NEBL: variants seen among roughly 807,000 people sequenced by gnomAD.
NEBL encodes the protein LIM and SH3 protein 2.
Under a neutral mutation model 140.2 loss-of-function variants are expected in NEBL, and 122 were observed. The ratio of observed to expected loss-of-function variants is 0.87; its 90% CI spans 0.75 to 1.01. The LOEUF (loss-of-function observed/expected upper bound fraction) is 1.01. NEBL is among the 50% of genes least tolerant of loss of function. NEBL has a pLI of 0.00. For synonymous variants in NEBL, 436 were observed against 398.9 expected, an observed-to-expected ratio of 1.09 and a Z score of -1.11; for missense variants, 1,365 against 1,231.3, an observed-to-expected ratio of 1.11 and a Z score of -1.62.
In NEBL at chr10:21,207,343, T is replaced by C. The variant is rs1841843641; in HGVS notation, n.349-34866A>G. Among the ~76,000 whole-genome samples, 3 of 152,198 alleles carry C rather than the reference T, an allele frequency of 2.0e-5. No individual in the cohort carries two copies. In the South Asian group the frequency reaches 6.2e-4, roughly 31 times the overall value. ...GATGGGGATGTGAATGGTCTATATC[T>C]AGTACTATGTGACTTTCAGTCATAA... On this transcript the variant is annotated intron_variant and non_coding_transcript_variant, in intron 3 of 8. Transcript: ENST00000675702.
chr10:20,907,686 C>T (rs2131452240), intron 4 of NEBL, among the ~76,000 whole-genome samples: 1 of 152,216 alleles, frequency 6.6e-6, no homozygotes, highest in South Asian at 2.1e-4. Flanking sequence ...ACCTAAGTTT[C>T]ACTGAAACGA....
chr10:20,799,802 A>G (rs150591638), intron 26 of NEBL, among the ~76,000 whole-genome samples: 36 of 152,182 alleles, frequency 2.4e-4, no homozygotes, highest in African/African-American at 8.7e-4. Context: ...TCAGGAGTGT[A>G]TTTTCTTCTT....
intron 2 of NEBL, among the ~76,000 whole-genome samples, chr10:21,039,609 T>C (rs1834175916): frequency 6.6e-6 from 1 of 152,184 alleles, no homozygotes. Context: ...AAAGATTCAG[T>C]AACCACTGAA....
At chr10:21,087,191 C>G (rs1354783982) in intron 2 of NEBL, among the ~76,000 whole-genome samples, 1 of 152,132 alleles carries the variant, frequency 6.6e-6, no homozygotes, top group Non-Finnish European at 1.5e-5. Context: ...CTCCCCAGAC[C>G]CCCCACCAAT....
chr10:20,983,190 T>C (rs1470482725), intron 3 of NEBL, among the ~76,000 whole-genome samples: 1 of 152,182 alleles, frequency 6.6e-6, no homozygotes. Flanking sequence ...AAAATCAAAT[T>C]AGATAATCTC....
intron 7 of NEBL, among the ~76,000 whole-genome samples, chr10:20,863,175 G>A (rs1266538027): frequency 6.6e-6 from 1 of 152,128 alleles, no homozygotes; most frequent in Non-Finnish European, 1.5e-5. Context: ...GAAATGAGAA[G>A]TTACATCTGC....
intron 4 of NEBL, among the ~76,000 whole-genome samples, chr10:20,955,223 G>A (rs967171511): frequency 5.3e-5 from 8 of 152,206 alleles, no homozygotes; most frequent in Non-Finnish European, 8.8e-5. Flanking sequence ...AATGGAAAGA[G>A]ACATGGATGA....
chr10:21,189,800 G>A (rs1275515641), intron 3 of NEBL, among the ~76,000 whole-genome samples: 2 of 152,074 alleles, frequency 1.3e-5, no homozygotes, highest in African/African-American at 4.8e-5. Flanking sequence ...CCACATTTAC[G>A]GTAATCTGTT....
chr10:20,837,095 G>C (rs1055494502), intron 13 of NEBL, among the ~76,000 whole-genome samples: 10 of 152,106 alleles, frequency 6.6e-5, no homozygotes, highest in African/African-American at 2.2e-4. Flanking sequence ...AGATGGTCAA[G>C]TAAACAGAAG....
intron 3 of NEBL, among the ~76,000 whole-genome samples, chr10:21,008,425 A>T (rs1253106342): frequency 1.3e-5 from 2 of 152,186 alleles, no homozygotes; most frequent in African/African-American, 2.4e-5. Context: ...TTTTATTTTT[A>T]AATTTTTTTC....
intron 3 of NEBL, among the ~76,000 whole-genome samples, chr10:20,964,503 A>G (rs1836198222): frequency 1.3e-5 from 2 of 152,146 alleles, no homozygotes; most frequent in South Asian, 4.1e-4. Context: ...GAGCAAGGGC[A>G]GGGGAATGTG....
intron 2 of NEBL, among the ~76,000 whole-genome samples, chr10:21,034,757 C>G (rs1348124126): frequency 2.0e-5 from 3 of 151,914 alleles, no homozygotes; most frequent in Non-Finnish European, 4.4e-5. Context: ...TTTTCAGGAT[C>G]GATGCACTGA....
intron 2 of NEBL, among the ~76,000 whole-genome samples, chr10:21,096,637 C>T (rs1837200568): frequency 6.6e-6 from 1 of 151,948 alleles, no homozygotes; most frequent in African/African-American, 2.4e-5. Flanking sequence ...CCTCAGTTTT[C>T]CCAGTAGCTG....
At chr10:21,010,702 C>T (rs1409713696) in intron 3 of NEBL, among the ~76,000 whole-genome samples, 1 of 152,078 alleles carries the variant, frequency 6.6e-6, no homozygotes, top group Non-Finnish European at 1.5e-5. Context: ...ACATAGAAAA[C>T]TTGAAAAATA....
intron 3 of NEBL, among the ~76,000 whole-genome samples, chr10:20,979,381 G>A (rs1836938541): frequency 6.6e-6 from 1 of 152,076 alleles, no homozygotes; most frequent in Admixed American, 6.6e-5. Context: ...TGGTAGGAAT[G>A]GTCCTTTGAG....
intron 1 of NEBL, among the ~76,000 whole-genome samples, chr10:21,262,445 G>A (rs1588575838): frequency 2.6e-5 from 4 of 152,288 alleles, no homozygotes; most frequent in African/African-American, 2.4e-5. Flanking sequence ...TCCCTATGGG[G>A]GTCTCTGAAG....
intron 15 of NEBL, 81 bp downstream of exon 15, chr10:20,831,392 C>T (rs1373152734): frequency 1.3e-6 from 2 of 1,494,926 alleles, no homozygotes; most frequent in Non-Finnish European, 1.9e-6. Flanking sequence ...CAAAGCCACC[C>T]ATGTGGAAAG....
chr10:21,062,116 T>C (rs568950524), intron 2 of NEBL, among the ~76,000 whole-genome samples: 1 of 152,360 alleles, frequency 6.6e-6, no homozygotes, highest in African/African-American at 2.4e-5. Context: ...GCATATCTTG[T>C]GAAGTTTAAT....
chr10:20,972,161 A>C (rs1836602071), intron 3 of NEBL, among the ~76,000 whole-genome samples: 2 of 152,252 alleles, frequency 1.3e-5, no homozygotes, highest in South Asian at 4.1e-4. Context: ...ATATAAACAA[A>C]GTGAACTAAC....
Sources: gnomAD v4.1 joint callset for allele counts (sites outside exome capture counted in the v4.1 genomes callset) on GRCh38, gnomAD v4.1.1 for gene constraint, MANE v1.5 for transcripts, NCBI Gene and HGNC (gene_info 2026-07-23, HGNC 2026-07-21) for gene names.